Variants in NCOA4 observed in about 807,000 individuals in gnomAD.
The protein encoded by NCOA4 is 70 kDa AR-activator.
Under a neutral mutation model 69.5 loss-of-function variants are expected in NCOA4, and 31 were observed. The observed-to-expected ratio is 0.45, with a 90% confidence interval of 0.34 to 0.60. NCOA4 has a LOEUF of 0.60. NCOA4 is among the 20% of genes least tolerant of loss of function. NCOA4 has a pLI of 0.02. For missense variants in NCOA4, 600 were observed against 719.2 expected (o/e 0.83, Z 1.90); for synonymous variants, 228 against 252.4 (o/e 0.90, Z 0.92).
At chr10:46,008,510 G>A (rs556749056) in intron 9 of NCOA4, among the ~76,000 whole-genome samples, 3 of 152,312 alleles carry the variant, frequency 2.0e-5, no homozygotes, top group South Asian at 4.1e-4. Context: ...ATATGTGACT[G>A]AATTGCTGCA....
intron 6 of NCOA4, among the ~76,000 whole-genome samples, 198 bp from the exon 7 acceptor site, chr10:46,013,224 T>G (rs528004962): frequency 4.6e-5 from 7 of 152,302 alleles, no homozygotes; most frequent in African/African-American, 1.7e-4. Context: ...TATAGAAACC[T>G]TTATTCACAT....
intron 1 of NCOA4, 72 bp from the exon 2 acceptor site, chr10:46,016,766 A>C: frequency 8.8e-7 from 1 of 1,137,514 alleles, no homozygotes; most frequent in Non-Finnish European, 1.2e-6. Flanking sequence ...TCATCCCTCA[A>C]ATGATCATTC....
intron 1 of NCOA4, among the ~76,000 whole-genome samples, chr10:46,027,846 T>G (rs1840245117): frequency 6.6e-6 from 1 of 152,214 alleles, no homozygotes; most frequent in South Asian, 2.1e-4. Flanking sequence ...TGAGGCTAGG[T>G]ATACTTTCTT....
At chr10:46,013,509 C>T (rs145074655) in intron 6 of NCOA4, 41 bp downstream of exon 6, 158 of 1,425,700 alleles carry the variant, frequency 1.1e-4, no homozygotes, top group Non-Finnish European at 1.4e-4. Context: ...AAGTATAAGC[C>T]AAGTAATGAC....
At chr10:46,029,414 GGTAA>G (rs1377001190) in intron 1 of NCOA4, among the ~76,000 whole-genome samples, 2 of 152,054 alleles carry the variant, frequency 1.3e-5, no homozygotes, top group Admixed American at 6.5e-5. Flanking sequence ...GCATCCTTAG[GGTAA>G]GTCTTTCTCA....
intron 1 of NCOA4, chr10:46,027,579 G>A (rs1263022601): frequency 1.4e-5 from 16 of 1,109,092 alleles, no homozygotes; most frequent in Non-Finnish European, 2.1e-5. Context: ...ATTTTAAAAG[G>A]ACTAAAAAGT....
At chr10:46,029,047 AAG>A (rs1491379606) in intron 1 of NCOA4, among the ~76,000 whole-genome samples, 2 of 148,028 alleles carry the variant, frequency 1.4e-5, no homozygotes, top group East Asian at 4.3e-4. Flanking sequence ...AAAAAAAAAA[AAG>A]GGGGGGGTGA....
At chr10:46,008,166 A>G (rs1487504309) in intron 9 of NCOA4, among the ~76,000 whole-genome samples, 1 of 152,258 alleles carries the variant, frequency 6.6e-6, no homozygotes, top group South Asian at 2.1e-4. Flanking sequence ...GTTTGCTAAT[A>G]AAACATCCAT....
rs1838815860 is a variant in NCOA4 at position 46,006,492 on chromosome 10, T to C, written c.*100A>G. The C allele has an allele frequency of 7.4e-7, 1 of 1,358,724 alleles. No homozygotes were observed. The highest frequency in any genetic ancestry group is 1.2e-5 in the South Asian group (1 of 85,850). 84.2% of individuals were successfully genotyped at this position (1,358,724 alleles called of 1,614,324 possible). On this transcript the variant is annotated 3_prime_UTR_variant, in exon 10 of 10. Transcript: ENST00000581486. ...TTAGGCAGGAGAAGAACTAAGCTAATTGGTCAGACCCAGAAACACAAAGAT... is the reference window on the plus strand; with the variant it reads ...TTAGGCAGGAGAAGAACTAAGCTAACTGGTCAGACCCAGAAACACAAAGAT...
chr10:46,027,486 T>G (rs1840227447), intron 1 of NCOA4: 1 of 1,551,056 alleles, frequency 6.4e-7, no homozygotes, highest in African/African-American at 1.4e-5. Flanking sequence ...ACCTCCACAT[T>G]GTTCATGTGC....
In NCOA4 at chr10:46,015,219, A is replaced by G. The variant is rs782769685; in HGVS notation, c.189T>C (p.Leu63=). Residue 63 remains leucine (L), a synonymous_variant, in exon 3 of 10, where the codon CTT becomes CTC. Transcript: ENST00000581486. ...CATACAGCCATACCTCACGGCTTCTAAGACATTCCAGGTGACGGCTTATGC... is the reference window on the plus strand; with the variant it reads ...CATACAGCCATACCTCACGGCTTCTGAGACATTCCAGGTGACGGCTTATGC... ...HSCISRHLEC[L]RSREVWLYEQ... The G allele has an allele frequency of 1.1e-5, 18 of 1,613,954 alleles. No homozygotes were observed. The highest frequency in any genetic ancestry group is 1.5e-5 in the Non-Finnish European group (18 of 1,179,990).
In NCOA4 at chr10:46,009,400, C is replaced by T. The variant is rs1839062365; in HGVS notation, c.1839+11G>A. 12 of 1,605,014 alleles carry T rather than the reference C, an allele frequency of 7.5e-6. No homozygotes were observed. The highest frequency in any genetic ancestry group is 1.0e-5 in the Non-Finnish European group (12 of 1,176,898). ...TATAATCTAATTTTCATGCTGGTGG[C>T]ATGTACCCACCTGTAGAGGAGTTCG... On this transcript the variant is annotated intron_variant, in intron 9 of 9. Coordinates refer to ENST00000581486, the MANE Select transcript of NCOA4 (RefSeq NM_001145263.2).
chr10:46,013,663 CATGTT>C, intron 5 of NCOA4, 24 bp from the exon 6 acceptor site: 4 of 1,544,116 alleles, frequency 2.6e-6, no homozygotes, highest in East Asian at 2.3e-5. Context: ...ATAATTTAAT[CATGTT>C]ATTTATGCTA....
chr10:46,015,568 A>G (rs933280045), intron 2 of NCOA4, among the ~76,000 whole-genome samples: 16 of 152,216 alleles, frequency 1.1e-4, no homozygotes, highest in Non-Finnish European at 2.4e-4. Flanking sequence ...TCCTTCTTCA[A>G]TACCCAGCCT....
chr10:46,027,854 C>G (rs1422123451), intron 1 of NCOA4, among the ~76,000 whole-genome samples: 2 of 152,180 alleles, frequency 1.3e-5, no homozygotes, highest in Non-Finnish European at 2.9e-5. Context: ...GGTATACTTT[C>G]TTGGAAAGAT....
At chr10:46,016,452 T>G in intron 2 of NCOA4, 88 bp downstream of exon 2, 1 of 1,256,978 alleles carries the variant, frequency 8.0e-7, no homozygotes, top group Non-Finnish European at 1.0e-6. Context: ...AATTTTTTGC[T>G]GGCACGGAGA....
chr10:46,013,031 T>G lies in NCOA4; in HGVS notation c.571-5A>C. 2 of 1,613,628 alleles carry G rather than the reference T, an allele frequency of 1.2e-6. No homozygotes were observed. Among genetic ancestry groups the G allele is most frequent in the Non-Finnish European group, 1.7e-6 (2 of 1,179,756 alleles). Reference sequence around the variant, plus strand: ...TACAATACCGGATGCTGACTTCTGTTAATCACAAAACAAGGAATGTCAAAT... The same window carrying G: ...TACAATACCGGATGCTGACTTCTGTGAATCACAAAACAAGGAATGTCAAAT... On this transcript the variant is annotated splice_region_variant and splice_polypyrimidine_tract_variant and intron_variant, in intron 6 of 9. Coordinates refer to ENST00000581486, the MANE Select transcript of NCOA4 (RefSeq NM_001145263.2).
chr10:46,018,292 ATG>A (rs113910510), intron 1 of NCOA4, among the ~76,000 whole-genome samples: 5,012 of 152,272 alleles, frequency 0.033, 258 homozygotes, highest in African/African-American at 0.11. Flanking sequence ...ACAAAACAAA[ATG>A]TAAGTTTTTT....
intron 1 of NCOA4, chr10:46,019,357 G>T: frequency 3.0e-6 from 3 of 985,446 alleles, no homozygotes; most frequent in Non-Finnish European, 3.6e-6. Context: ...GCTCCGATTT[G>T]GAGAGCTGGA....
Sources: allele counts gnomAD v4.1 joint callset (sites outside exome capture counted in the v4.1 genomes callset), GRCh38; gene constraint gnomAD v4.1.1; transcripts MANE v1.5; gene names NCBI Gene and HGNC (gene_info 2026-07-23, HGNC 2026-07-21).